Variants in OPCML observed in about 807,000 individuals in gnomAD.
OPCML encodes opioid binding protein/cell adhesion molecule like.
OPCML carries 13 observed loss-of-function variants against 37.8 expected under a neutral mutation model. The observed-to-expected ratio is 0.34, with a 90% confidence interval of 0.22 to 0.55. The LOEUF is 0.55. OPCML is among the 20% of genes least tolerant of loss of function. The pLI, the probability that OPCML is intolerant of heterozygous loss-of-function variation, is 0.91. For missense variants in OPCML, 341 were observed against 435.6 expected (o/e 0.78, Z 1.93); for synonymous variants, 176 against 168.8 (o/e 1.04, Z -0.33).
intron 1 of OPCML, among the ~76,000 whole-genome samples, chr11:133,190,157 G>C (rs1938244209): frequency 6.6e-6 from 1 of 152,170 alleles, no homozygotes; most frequent in African/African-American, 2.4e-5. Context: ...AACATGCTGT[G>C]ACCAGCTGGG....
In OPCML at chr11:132,646,985, G is replaced by A. The variant is rs115069748; in HGVS notation, c.379+10102C>T. ...CAAAACAAGAGAGAAAAAAGTTTAA[G>A]GACAGACCCTGACTCCACAGAGATT... On this transcript the variant is annotated intron_variant, in intron 3 of 7. Transcript: ENST00000524381. Among the ~76,000 whole-genome samples the A allele has an allele frequency of 2.0e-3, 311 of 152,276 alleles. 3 individuals are homozygous for A. The highest frequency in any genetic ancestry group is 7.0e-3 in the African/African-American group (290 of 41,564).
At chr11:132,589,758 T>C (rs2096481268) in intron 3 of OPCML, among the ~76,000 whole-genome samples, 1 of 152,168 alleles carries the variant, frequency 6.6e-6, no homozygotes, top group Non-Finnish European at 1.5e-5. Context: ...GGAGCATAGT[T>C]AAGAAGACGA....
At chr11:133,034,308 G>GGGGTGTGT (rs1555079919) in intron 1 of OPCML, among the ~76,000 whole-genome samples, 8 of 143,536 alleles carry the variant, frequency 5.6e-5, no homozygotes, top group South Asian at 2.3e-4. Context: ...TGTATGTATA[G>GGGGTGTGT]GTGTGTGTGT....
At chr11:133,048,601 CACTT>C (rs1297234198) in intron 1 of OPCML, among the ~76,000 whole-genome samples, 1 of 152,148 alleles carries the variant, frequency 6.6e-6, no homozygotes, top group African/African-American at 2.4e-5. Flanking sequence ...TTGTCTGTGC[CACTT>C]ACTTACTTAG....
At chr11:133,307,828 T>C (rs572796516) in intron 1 of OPCML, among the ~76,000 whole-genome samples, 2 of 152,100 alleles carry the variant, frequency 1.3e-5, no homozygotes, top group Non-Finnish European at 2.9e-5. Context: ...CAATCTTATT[T>C]ATGCTTTCTC....
At chr11:133,447,135 T>C (rs1183976747) in intron 1 of OPCML, among the ~76,000 whole-genome samples, 3 of 152,228 alleles carry the variant, frequency 2.0e-5, no homozygotes, top group Non-Finnish European at 4.4e-5. Context: ...AAAGTATCCA[T>C]ACCATTTTGC....
intron 1 of OPCML, among the ~76,000 whole-genome samples, chr11:133,152,961 C>T (rs562157850): frequency 6.6e-6 from 1 of 151,932 alleles, no homozygotes; most frequent in African/African-American, 2.4e-5. Flanking sequence ...GCCTGAAAGC[C>T]TTGGCAGCGA....
At chr11:132,940,221 G>A (rs546678814) in intron 2 of OPCML, among the ~76,000 whole-genome samples, 1 of 152,262 alleles carries the variant, frequency 6.6e-6, no homozygotes, top group African/African-American at 2.4e-5. Flanking sequence ...TTTTCACTGG[G>A]AAAGTGAAAG....
rs117263206 is a variant in OPCML at position 132,692,970 on chromosome 11, A to G, written c.147-35651T>C. On this transcript the variant is annotated intron_variant, in intron 2 of 7. Transcript: ENST00000524381. ...TCATGCTTTGCAATTCAAACTCCCAACTTCATAGTACAATGCACAGTATTT... is the reference window on the plus strand; with the variant it reads ...TCATGCTTTGCAATTCAAACTCCCAGCTTCATAGTACAATGCACAGTATTT... Among the ~76,000 whole-genome samples the G allele has an allele frequency of 1.9e-3, 289 of 152,302 alleles. 2 individuals are homozygous for G. Among genetic ancestry groups the G allele is most frequent in the Admixed American group, 0.013 (206 of 15,300 alleles).
intron 1 of OPCML, among the ~76,000 whole-genome samples, chr11:133,139,292 T>C (rs2137156034): frequency 6.6e-6 from 1 of 152,326 alleles, no homozygotes; most frequent in Admixed American, 6.5e-5. Flanking sequence ...TTGCTAGCAC[T>C]TTTACAGGGC....
chr11:132,969,520 G>A (rs1051319136), intron 1 of OPCML, among the ~76,000 whole-genome samples: 8 of 151,946 alleles, frequency 5.3e-5, no homozygotes, highest in African/African-American at 1.9e-4. Flanking sequence ...CTCTCCTCTT[G>A]TTCTGGGACC....
chr11:133,312,754 G>A (rs1326983841), intron 1 of OPCML, among the ~76,000 whole-genome samples: 2 of 152,184 alleles, frequency 1.3e-5, no homozygotes, highest in African/African-American at 4.8e-5. Flanking sequence ...AAAAGTTCAA[G>A]TTTAATGACA....
chr11:133,368,200 G>A (rs961287993), intron 1 of OPCML, among the ~76,000 whole-genome samples: 6 of 151,022 alleles, frequency 4.0e-5, no homozygotes, highest in Admixed American at 4.0e-4. Flanking sequence ...AGAGGGAAAG[G>A]TAGAAGGAGG....
At chr11:133,219,435 A>G (rs538840353) in intron 1 of OPCML, among the ~76,000 whole-genome samples, 1 of 152,340 alleles carries the variant, frequency 6.6e-6, no homozygotes. Context: ...TAAAATTTTT[A>G]GTTTTGCCTA....
At chr11:133,290,845 T>C (rs1327312614) in intron 1 of OPCML, among the ~76,000 whole-genome samples, 4 of 152,208 alleles carry the variant, frequency 2.6e-5, no homozygotes, top group Non-Finnish European at 4.4e-5. Context: ...CCAATTACTT[T>C]AAGCCCTGTG....
intron 3 of OPCML, among the ~76,000 whole-genome samples, chr11:132,568,840 T>C (rs953951008): frequency 6.6e-6 from 1 of 152,150 alleles, no homozygotes; most frequent in African/African-American, 2.4e-5. Context: ...AAGTAATGAA[T>C]AAGATACAAA....
chr11:132,961,998 C>T (rs893422636), intron 1 of OPCML, among the ~76,000 whole-genome samples: 4 of 152,230 alleles, frequency 2.6e-5, no homozygotes, highest in African/African-American at 9.6e-5. Context: ...AATCTTGTTA[C>T]AATACATTTG....
chr11:132,944,577 G>A (rs774289222), intron 1 of OPCML, among the ~76,000 whole-genome samples: 3 of 152,184 alleles, frequency 2.0e-5, no homozygotes, highest in Non-Finnish European at 4.4e-5. Flanking sequence ...ACACCTTATC[G>A]TGGTAAAAAG....
chr11:132,777,683 C>T (rs987506340), intron 2 of OPCML, among the ~76,000 whole-genome samples: 1 of 152,136 alleles, frequency 6.6e-6, no homozygotes, highest in Non-Finnish European at 1.5e-5. Flanking sequence ...GCCACTTAAT[C>T]TTGCTATATT....
Sources: gnomAD v4.1 joint callset for allele counts (sites outside exome capture counted in the v4.1 genomes callset) on GRCh38, gnomAD v4.1.1 for gene constraint, MANE v1.5 for transcripts, NCBI Gene and HGNC (gene_info 2026-07-23, HGNC 2026-07-21) for gene names.